Variants in PCBP3 observed in about 807,000 individuals in gnomAD.
PCBP3 encodes the protein poly(rC) binding protein 3.
A neutral mutation model predicts 52.7 loss-of-function variants in PCBP3; 25 were observed. The ratio of observed to expected loss-of-function variants is 0.47; its 90% CI spans 0.35 to 0.66. PCBP3 has a LOEUF of 0.66. Ranked by LOEUF, PCBP3 falls within the 30% of genes least tolerant of loss-of-function variation. The pLI, the probability that PCBP3 is intolerant of heterozygous loss-of-function variation, is 0.01. For synonymous variants in PCBP3, 162 were observed against 183.0 expected (o/e 0.89, Z 0.93); for missense variants, 391 against 490.3 (o/e 0.80, Z 1.91).
At position 45,895,996 on chromosome 21, in the gene PCBP3, C is replaced by T. The variant is rs532551916; in HGVS notation, c.11-212C>T. The stretch of plus-strand genomic sequence containing the variant: ...TGCCCAGCGTCAGGAGGGAGGCAGC[C>T]GTGGGGCCTCCCTGGAGACCTCTCC... On this transcript the variant is annotated intron_variant, in intron 5 of 17. Transcript: ENST00000681687. Among the ~76,000 whole-genome samples, 31 of 152,370 alleles carry T rather than the reference C, an allele frequency of 2.0e-4. No individual in the cohort carries two copies. In the South Asian group the frequency reaches 5.4e-3, roughly 26 times the overall value.
chr21:45,669,117 C>T (rs1045526327), intron 2 of PCBP3, 165 bp downstream of exon 2: 7 of 152,124 alleles, frequency 4.6e-5, no homozygotes, highest in Non-Finnish European at 1.0e-4. Flanking sequence ...ATTGCTTCTG[C>T]ATCATCTCTT....
rs765263851 is a variant in PCBP3 at position 45,829,644 on chromosome 21, C to T, written c.-125-20317C>T. Reference sequence around the variant, plus strand: ...TTACTGGGTTTCCTCACCCCAGACCCCACCTGAAGAGCAAAGTTCTGAAGG... The same window carrying T: ...TTACTGGGTTTCCTCACCCCAGACCTCACCTGAAGAGCAAAGTTCTGAAGG... On this transcript the variant is annotated intron_variant, in intron 4 of 17. Coordinates refer to ENST00000681687, the MANE Select transcript of PCBP3 (RefSeq NM_001384156.1). This position sits in a 1 kb window ranked among gnomAD's most constrained non-coding sequence, Gnocchi z 5.2. 1 of 152,260 alleles carries T rather than the reference C, an allele frequency of 6.6e-6. No individual in the cohort carries two copies. The highest frequency in any genetic ancestry group is 1.5e-5 in the Non-Finnish European group (1 of 68,066). The allele number at this position is 152,260 out of a possible 1,614,324, so 9.4% of individuals were successfully genotyped here.
Position 45,695,164 on chromosome 21 carries a change from T to C in PCBP3, c.-200+26212T>C, listed in dbSNP as rs1020959892. Among the ~76,000 whole-genome samples the C allele has an allele frequency of 5.3e-5, 8 of 152,286 alleles. No individual in the cohort carries two copies. In the East Asian group the frequency reaches 1.5e-3, roughly 29 times the overall value. On this transcript the variant is annotated intron_variant, in intron 2 of 17. Coordinates refer to ENST00000681687, the MANE Select transcript of PCBP3 (RefSeq NM_001384156.1). Reference sequence around the variant, plus strand: ...CCCAAATGGTGTGCTGTGCCAGTTATCTGTTATTACCTCTTAACTCCTGAT... The same window carrying C: ...CCCAAATGGTGTGCTGTGCCAGTTACCTGTTATTACCTCTTAACTCCTGAT...
chr21:45,757,896 T>C (rs2088216803), intron 4 of PCBP3, among the ~76,000 whole-genome samples: 1 of 152,036 alleles, frequency 6.6e-6, no homozygotes, highest in Admixed American at 6.6e-5. Context: ...TATTCTTTTT[T>C]TTTTTTTTGA....
At chr21:45,898,279 C>G (rs895550929) in intron 6 of PCBP3, among the ~76,000 whole-genome samples, 4 of 151,972 alleles carry the variant, frequency 2.6e-5, no homozygotes, top group Non-Finnish European at 5.9e-5. Flanking sequence ...CCTCCTCCCT[C>G]CACGGGCCCC....
intron 5 of PCBP3, among the ~76,000 whole-genome samples, chr21:45,883,742 A>G (rs1377245212): frequency 6.6e-6 from 1 of 151,782 alleles, no homozygotes; most frequent in Non-Finnish European, 1.5e-5. Context: ...GCCTTTTCCC[A>G]TTAGTTTATC....
At chr21:45,937,941 C>A (rs1367517894) in intron 16 of PCBP3, among the ~76,000 whole-genome samples, 3 of 152,244 alleles carry the variant, frequency 2.0e-5, no homozygotes, top group Non-Finnish European at 2.9e-5. Flanking sequence ...GCATTCAGAC[C>A]CCACAGCTGT....
At chr21:45,756,213 G>A (rs1023734293) in intron 4 of PCBP3, among the ~76,000 whole-genome samples, 1 of 152,066 alleles carries the variant, frequency 6.6e-6, no homozygotes, top group African/African-American at 2.4e-5. Flanking sequence ...TTCTTCACTG[G>A]TCATCTTTGC....
chr21:45,878,439 AGG>A (rs1569418424), intron 5 of PCBP3, among the ~76,000 whole-genome samples: 1 of 152,244 alleles, frequency 6.6e-6, no homozygotes, highest in Non-Finnish European at 1.5e-5. Flanking sequence ...GAGTTTGAAA[AGG>A]GGATTTCATG....
intron 5 of PCBP3, among the ~76,000 whole-genome samples, chr21:45,894,606 T>C (rs1459826627): frequency 6.6e-6 from 1 of 152,244 alleles, no homozygotes; most frequent in Non-Finnish European, 1.5e-5. Context: ...GAAGCAATGG[T>C]GTGAGCTGTG....
At chr21:45,781,292 CAT>C (rs1197177069) in intron 4 of PCBP3, among the ~76,000 whole-genome samples, 5 of 152,150 alleles carry the variant, frequency 3.3e-5, no homozygotes, top group South Asian at 2.1e-4. Flanking sequence ...ATGTATCTAA[CAT>C]GTGTAAAGAA....
At chr21:45,699,088 A>G (rs2082957359) in intron 2 of PCBP3, among the ~76,000 whole-genome samples, 1 of 152,174 alleles carries the variant, frequency 6.6e-6, no homozygotes, top group South Asian at 2.1e-4. Context: ...TTATGTAGCA[A>G]CTCAAACATG....
At position 45,810,131 on chromosome 21, in the gene PCBP3, A is replaced by C. The variant is rs75320449; in HGVS notation, c.-125-39830A>C. Among the ~76,000 whole-genome samples the C allele has an allele frequency of 7.6e-3, 1,158 of 152,276 alleles. 6 individuals carry two copies. Among genetic ancestry groups the C allele is most frequent in the Non-Finnish European group, 0.012 (845 of 68,024 alleles). On this transcript the variant is annotated intron_variant, in intron 4 of 17. Transcript: ENST00000681687. ...AATAATTTACTGCCTTATCATGTTA[A>C]TATGGTAAATTACATATTGCCAGAT...
chr21:45,807,520 C>T (rs1569248969), intron 4 of PCBP3, among the ~76,000 whole-genome samples: 2 of 152,068 alleles, frequency 1.3e-5, no homozygotes, highest in African/African-American at 4.8e-5. Flanking sequence ...AACCACTGCT[C>T]AAGGAAATAA....
At chr21:45,751,847 T>G (rs545045449) in intron 3 of PCBP3, among the ~76,000 whole-genome samples, 1 of 152,348 alleles carries the variant, frequency 6.6e-6, no homozygotes, top group East Asian at 1.9e-4. Flanking sequence ...ACAGCGTAGC[T>G]CAGCGTGGTT....
chr21:45,788,005 A>T lies in PCBP3; in HGVS notation c.-126+32553A>T, dbSNP rs1831941412. On this transcript the variant is annotated intron_variant, in intron 4 of 17. Transcript: ENST00000681687. This position sits in a 1 kb window ranked among gnomAD's most constrained non-coding sequence, Gnocchi z 4.3. Reference sequence around the variant, plus strand: ...AGAGACTGGGGAGACCTACGGGGGAAGATGGGGGCACCTACAGTTGCAAGG... The same window carrying T: ...AGAGACTGGGGAGACCTACGGGGGATGATGGGGGCACCTACAGTTGCAAGG... Among the ~76,000 whole-genome samples, 1 of 152,142 alleles carries T rather than the reference A, an allele frequency of 6.6e-6. No individual in the cohort carries two copies. Among genetic ancestry groups the T allele is most frequent in the South Asian group, 2.1e-4 (1 of 4,836 alleles).
rs759325654 is a variant in PCBP3 at position 45,935,316 on chromosome 21, C to T, written c.909+11C>T. The T allele has an allele frequency of 6.2e-7, 1 of 1,604,450 alleles. No homozygotes were observed. The highest frequency in any genetic ancestry group is 1.1e-5 in the South Asian group (1 of 90,612). On this transcript the variant is annotated intron_variant, in intron 16 of 17. Coordinates refer to ENST00000681687, the MANE Select transcript of PCBP3 (RefSeq NM_001384156.1). ...ACCATTCCCAATGATGTGAGTATGC[C>T]CGCTGTACCTGCCTGTCCCTGGGTA...
rs1053180911 is a variant in PCBP3, at chr21:45,681,027, A to C, written c.-200+12075A>C. Among the ~76,000 whole-genome samples, 11 of 152,156 alleles carry C rather than the reference A, an allele frequency of 7.2e-5. No individual in the cohort carries two copies. The South Asian group carries it at 1.0e-3, about 14-fold the overall frequency. ...GCATTCTCACATGGCAGAAGGGGCAAATGCTGCGTCCTTACATGGCGGAAG... is the reference window on the plus strand; with the variant it reads ...GCATTCTCACATGGCAGAAGGGGCACATGCTGCGTCCTTACATGGCGGAAG... On this transcript the variant is annotated intron_variant, in intron 2 of 17. Transcript: ENST00000681687.
chr21:45,880,451 T>C lies in PCBP3; in HGVS notation c.11-15757T>C, dbSNP rs1325788206. Among the ~76,000 whole-genome samples the C allele has an allele frequency of 6.6e-6, 1 of 152,068 alleles. No individual in the cohort carries two copies. Among genetic ancestry groups the C allele is most frequent in the Non-Finnish European group, 1.5e-5 (1 of 68,006 alleles). On this transcript the variant is annotated intron_variant, in intron 5 of 17. Transcript: ENST00000681687. The surrounding 1 kb of genome is among the most constrained non-coding windows in gnomAD (Gnocchi z 5.4). The stretch of plus-strand genomic sequence containing the variant: ...ATGAAAAACGCAGGAGTGGGTGGTG[T>C]GGGAGAAAATAGGATTACGGTGCTT...
Sources: allele counts gnomAD v4.1 joint callset (sites outside exome capture counted in the v4.1 genomes callset), GRCh38; gene constraint gnomAD v4.1.1; non-coding constraint Gnocchi (gnomAD v3.1); transcripts MANE v1.5; gene names NCBI Gene and HGNC (gene_info 2026-07-23, HGNC 2026-07-21).